The following EPB41L3 variants were observed in gnomAD, a reference collection of about 807,000 sequenced individuals.
EPB41L3 encodes the protein erythrocyte membrane protein band 4.1 like 3.
A neutral mutation model predicts 127.1 loss-of-function variants in EPB41L3; 57 were observed. That is an observed-to-expected ratio of 0.45 (90% CI 0.36 to 0.56). The LOEUF (loss-of-function observed/expected upper bound fraction) is 0.56, where lower values mean the gene tolerates loss of function less well. EPB41L3 is among the 20% of genes least tolerant of loss of function. EPB41L3 has a pLI of 0.00. For missense variants in EPB41L3, 1,273 were observed against 1,372.2 expected (o/e 0.93, Z 1.14); for synonymous variants, 572 against 549.5 (o/e 1.04, Z -0.57).
chr18:5,498,516 C>T (rs1394411817), intron 1 of EPB41L3, among the ~76,000 whole-genome samples: 1 of 133,218 alleles, frequency 7.5e-6, no homozygotes, highest in Non-Finnish European at 1.5e-5. Flanking sequence ...ATCACTTGAA[C>T]CTGGGAGGTG....
In EPB41L3 at chr18:5,415,991, G is replaced by A. The variant is rs1428470228; in HGVS notation, c.1894C>T (p.Leu632Phe). ...AAGATGAAGAGGAAACAGGGCACAA[G>A]GGACGGTGAGCGGATCGGGAGGTAA... ...QHYLPIRSPS[L>F]VPCFLFIFFF... The change falls in exon 13 of 23, where the codon CTT becomes TTT. Residue 632 changes from leucine to phenylalanine, a missense_variant. Transcript: ENST00000341928. The A allele has an allele frequency of 6.2e-7, 1 of 1,614,202 alleles. No homozygotes were observed. The highest frequency in any genetic ancestry group is 8.5e-7 in the Non-Finnish European group (1 of 1,180,050).
chr18:5,488,271 G>C (rs957771574), intron 2 of EPB41L3, among the ~76,000 whole-genome samples: 1 of 152,016 alleles, frequency 6.6e-6, no homozygotes, highest in African/African-American at 2.4e-5. Flanking sequence ...GTCCTTTTCA[G>C]GACATGGATG....
chr18:5,419,641 A>G (rs2077224680), intron 12 of EPB41L3, 70 bp downstream of exon 12: 1 of 1,591,440 alleles, frequency 6.3e-7, no homozygotes. Context: ...TTCCTGGTTT[A>G]CAGCCTCAGC....
At chr18:5,591,714 A>G (rs1319518216) in intron 3 of EPB41L3, among the ~76,000 whole-genome samples, 1 of 152,260 alleles carries the variant, frequency 6.6e-6, no homozygotes, top group African/African-American at 2.4e-5. Flanking sequence ...TTTGTAAAAC[A>G]TATGAGAATC....
chr18:5,415,388 A>G (rs2076670098), intron 13 of EPB41L3, among the ~76,000 whole-genome samples: 1 of 152,176 alleles, frequency 6.6e-6, no homozygotes, highest in Admixed American at 6.5e-5. Context: ...ATGATGATAC[A>G]TCCCCTCCGG....
At chr18:5,553,896 C>A (rs138298975) in intron 3 of EPB41L3, among the ~76,000 whole-genome samples, 72 of 152,324 alleles carry the variant, frequency 4.7e-4, no homozygotes, top group African/African-American at 1.7e-3. Context: ...TCTGCCCTCA[C>A]CCCAACCAGC....
chr18:5,540,039 T>A (rs187024704), intron 1 of EPB41L3, among the ~76,000 whole-genome samples: 1,766 of 152,308 alleles, frequency 0.012, 14 homozygotes, highest in Admixed American at 0.04. Context: ...ATACTTTTTT[T>A]AAAAGACATT....
At chr18:5,575,837 A>C (rs1248231249) in intron 3 of EPB41L3, among the ~76,000 whole-genome samples, 1 of 151,450 alleles carries the variant, frequency 6.6e-6, no homozygotes, top group East Asian at 1.9e-4. Flanking sequence ...ACTCCGTCTC[A>C]AAAAAAAAGC....
chr18:5,494,838 G>C (rs186983499), intron 1 of EPB41L3, among the ~76,000 whole-genome samples: 1 of 152,278 alleles, frequency 6.6e-6, no homozygotes, highest in African/African-American at 2.4e-5. Flanking sequence ...TGAGAGGTGA[G>C]GAAAAGGGAT....
rs1446699164 is a variant in EPB41L3 at position 5,397,651 on chromosome 18, A to C, written c.2473-225T>G. ...TGAACCTGCGCTGCTGCTTCAGGAC[A>C]TCCGCAAAACAAACGGAAGGCAGGA... On this transcript the variant is annotated intron_variant, in intron 17 of 22. Transcript: ENST00000341928. This position sits in a 1 kb window ranked among gnomAD's most constrained non-coding sequence, Gnocchi z 4.1. Among the ~76,000 whole-genome samples, 2 of 152,194 alleles carry C rather than the reference A, an allele frequency of 1.3e-5. No individual in the cohort carries two copies. Among genetic ancestry groups the C allele is most frequent in the Non-Finnish European group, 2.9e-5 (2 of 68,030 alleles).
intron 3 of EPB41L3, among the ~76,000 whole-genome samples, chr18:5,454,653 G>GA (rs2082764055): frequency 6.6e-6 from 1 of 152,162 alleles, no homozygotes; most frequent in South Asian, 2.1e-4. Context: ...CAGCTCTTCA[G>GA]AAAACCATGA....
At chr18:5,574,132 A>G (rs559413638) in intron 3 of EPB41L3, among the ~76,000 whole-genome samples, 2 of 152,218 alleles carry the variant, frequency 1.3e-5, no homozygotes, top group South Asian at 2.1e-4. Flanking sequence ...CAGCTAATAC[A>G]AAGTCAAAAT....
chr18:5,592,927 C>T lies in EPB41L3; in HGVS notation c.-306+19413G>A, dbSNP rs556219737. On this transcript the variant is annotated intron_variant, in intron 3 of 21. Transcript: ENST00000545076. Reference sequence around the variant, plus strand: ...AAAAAGAAAACAACTTTGTATCTTTCGGCTGTATCTGTCAGCATCTTTCCA... The same window carrying T: ...AAAAAGAAAACAACTTTGTATCTTTTGGCTGTATCTGTCAGCATCTTTCCA... 1.0e-3 allele frequency among the ~76,000 whole-genome samples: 155 copies of T among 152,320 alleles called. 2 individuals are homozygous for T. Among genetic ancestry groups the T allele is most frequent in the South Asian group, 2.5e-3 (12 of 4,826 alleles).
chr18:5,470,809 C>T (rs372680493), intron 3 of EPB41L3, among the ~76,000 whole-genome samples: 10 of 152,126 alleles, frequency 6.6e-5, no homozygotes, highest in African/African-American at 1.4e-4. Context: ...TCGGGTAAAG[C>T]GCATTGGTAG....
upstream of EPB41L3, among the ~76,000 whole-genome samples, chr18:5,545,870 ACT>A (rs1414149387): frequency 8.2e-4 from 69 of 84,180 alleles, 1 homozygote; most frequent in African/African-American, 2.4e-3. Flanking sequence ...CACCTGTATG[ACT>A]CTGTGTGTGT....
At chr18:5,453,726 C>T (rs2082610194) in intron 3 of EPB41L3, among the ~76,000 whole-genome samples, 1 of 152,156 alleles carries the variant, frequency 6.6e-6, no homozygotes, top group East Asian at 1.9e-4. Flanking sequence ...TTGTGAACTC[C>T]TATTTCTGCT....
chr18:5,570,915 T>C (rs2094271315), intron 3 of EPB41L3: 1 of 152,254 alleles, frequency 6.6e-6, no homozygotes, highest in Non-Finnish European at 1.5e-5. Flanking sequence ...AACTTTGTAA[T>C]CTTTGAAATA....
Position 5,397,111 on chromosome 18 carries a change from GCTC to G in EPB41L3, c.2785_2787del (p.Glu929del). The G allele has an allele frequency of 6.2e-7, 1 of 1,613,976 alleles. No homozygotes were observed. The highest frequency in any genetic ancestry group is 1.1e-5 in the South Asian group (1 of 91,030). ...TCTGAAATGTGGATGGCTGCACTCT[GCTC>G]CTCTTGTCGCTCACGGGAAGCAGCG... is the stretch of plus-strand genomic sequence containing the variant. On this transcript the variant is annotated inframe_deletion, in exon 18 of 23. Coordinates refer to ENST00000341928, the MANE Select transcript of EPB41L3 (RefSeq NM_012307.5). This position sits in a 1 kb window ranked among gnomAD's most constrained non-coding sequence, Gnocchi z 4.1.
rs974782481 is a variant in EPB41L3, at chr18:5,584,632, A to G, written c.-306+27708T>C. Among the ~76,000 whole-genome samples the G allele has an allele frequency of 2.0e-5, 3 of 152,310 alleles. No individual in the cohort carries two copies. The East Asian group carries it at 5.8e-4, about 29-fold the overall frequency. ...AAATGAGGTATGAAGAAAAGACTAA[A>G]CAAAAAGATAAAAGGATTGTGCCAC... On this transcript the variant is annotated intron_variant, in intron 3 of 21. Coordinates refer to the EPB41L3 transcript ENST00000545076.
Sources: gnomAD v4.1 joint callset for allele counts (sites outside exome capture counted in the v4.1 genomes callset) on GRCh38, gnomAD v4.1.1 for gene constraint, Gnocchi (gnomAD v3.1) non-coding constraint, MANE v1.5 for transcripts, NCBI Gene and HGNC (gene_info 2026-07-23, HGNC 2026-07-21) for gene names.